Variants in TPI1 observed in about 807,000 individuals in gnomAD.
TPI1 encodes the protein triosephosphate isomerase.
Under a neutral mutation model 31.0 loss-of-function variants are expected in TPI1, and 11 were observed. That is an observed-to-expected ratio of 0.36 (90% CI 0.22 to 0.59). The LOEUF is 0.59. Among genes scored for constraint, TPI1 ranks in the 20% least tolerant of loss-of-function variants. The probability of loss-of-function intolerance (pLI) is 0.79; values close to 1 mark genes in which losing one functional copy is unlikely to be tolerated. For synonymous variants in TPI1, 121 were observed against 122.8 expected (o/e 0.99, Z 0.10); for missense variants, 245 against 319.7 (o/e 0.77, Z 1.78).
chr12:6,868,118 C>T (rs1555131758), intron 1 of TPI1: 1 of 1,272,482 alleles, frequency 7.9e-7, no homozygotes, highest in African/African-American at 1.5e-5. Context: ...CCCTTCCTCG[C>T]CGGCGTCCGC....
chr12:6,870,241 G>T, intron 6 of TPI1, 24 bp from the exon 7 acceptor site: 2 of 1,611,228 alleles, frequency 1.2e-6, no homozygotes, highest in Non-Finnish European at 1.7e-6. Context: ...TCTTGACCAA[G>T]CCCTTGTTCT....
chr12:6,867,825 G>A (rs1944491491), intron 1 of TPI1, 144 bp downstream of exon 1: 3 of 928,176 alleles, frequency 3.2e-6, no homozygotes, highest in Non-Finnish European at 4.6e-6. Flanking sequence ...GGCCGCTGGG[G>A]TCCGGGCAGG....
chr12:6,870,911 G>GAA lies in TPI1; in HGVS notation c.*540_*541dup, dbSNP rs201871949. ...GCTATATAAATGATCATTTGTGCAA[G>GAA]AAAAAAAAAAAAACAAGAACAGGTT... On this transcript the variant is annotated 3_prime_UTR_variant, in exon 7 of 7. Coordinates refer to ENST00000396705, the MANE Select transcript of TPI1 (RefSeq NM_000365.6). The GAA allele has an allele frequency of 2.5e-3, 1,362 of 538,928 alleles. No individual in the cohort carries two copies. Among genetic ancestry groups the GAA allele is most frequent in the African/African-American group, 8.7e-3 (433 of 49,516 alleles). 33.4% of individuals were successfully genotyped at this position (538,928 alleles called of 1,614,324 possible). A position where few individuals can be genotyped will look rare whatever the true frequency, so the allele number is the denominator to read the frequency against.
At position 6,870,740 on chromosome 12, in the gene TPI1, A is replaced by G. The variant is rs1555132963; in HGVS notation, c.*357A>G. ...ACCGTGAGGCCAAGATCCCCTCAGA[A>G]GGCAGGAGTGCTGCCCTCTCCCATG... On this transcript the variant is annotated 3_prime_UTR_variant, in exon 7 of 7. Transcript: ENST00000396705. 5.6e-6 allele frequency: 3 copies of G among 539,848 alleles called. No individual in the cohort carries two copies. Among genetic ancestry groups the G allele is most frequent in the Non-Finnish European group, 1.1e-5 (3 of 279,082 alleles). The allele number at this position is 539,848 out of a possible 1,614,324, so 33.4% of individuals were successfully genotyped here.
chr12:6,870,867 A>G lies in TPI1; in HGVS notation c.*484A>G, dbSNP rs913569628. Reference sequence around the variant, plus strand: ...CTGCCTTCACTGGACTTGCCCAGATAATCTTCCTTTTTGAGGCAGCTATAT... The same window carrying G: ...CTGCCTTCACTGGACTTGCCCAGATGATCTTCCTTTTTGAGGCAGCTATAT... On this transcript the variant is annotated 3_prime_UTR_variant, in exon 7 of 7. Transcript: ENST00000396705. The G allele has an allele frequency of 1.8e-6, 1 of 570,338 alleles. No individual in the cohort carries two copies. Among genetic ancestry groups the G allele is most frequent in the African/African-American group, 1.8e-5 (1 of 54,130 alleles). The allele number at this position is 570,338 out of a possible 1,614,324, so 35.3% of individuals were successfully genotyped here.
At chr12:6,869,660 T>TC in intron 4 of TPI1, 28 bp from the exon 5 acceptor site, 1 of 1,613,032 alleles carries the variant, frequency 6.2e-7, no homozygotes, top group Non-Finnish European at 8.5e-7. Context: ...TGTTCACCCT[T>TC]CCCTCCATCT....
chr12:6,868,219 G>A (rs781933652), intron 1 of TPI1: 56 of 1,287,748 alleles, frequency 4.3e-5, no homozygotes, highest in Non-Finnish European at 5.7e-5. Context: ...CCACGGAAGG[G>A]ACCGAGCCCG....
chr12:6,868,693 C>T lies in TPI1; in HGVS notation c.116-171C>T, dbSNP rs1322883424. 4 of 1,372,006 alleles carry T rather than the reference C, an allele frequency of 2.9e-6. No homozygotes were observed. In the African/African-American group the frequency reaches 5.8e-5, roughly 20 times the overall value. The allele number at this position is 1,372,006 out of a possible 1,614,324, so 85.0% of individuals were successfully genotyped here. ...AAGGCTCTTCGAGTTGAGTGCAGAC[C>T]CAGCCTGGGCTGGAAAATGGACAAA... On this transcript the variant is annotated intron_variant, in intron 1 of 6. Transcript: ENST00000396705.
Position 6,868,712 on chromosome 12 carries a change from G to T in TPI1, c.116-152G>T, listed in dbSNP as rs1308854772. ...GCAGACCCAGCCTGGGCTGGAAAAT[G>T]GACAAAGGTCATCTTGCTGGGGTGA... On this transcript the variant is annotated intron_variant, in intron 1 of 6. Transcript: ENST00000396705. 2.1e-6 allele frequency: 3 copies of T among 1,418,466 alleles called. No homozygotes were observed. The African/African-American group carries it at 4.3e-5, about 20-fold the overall frequency. The allele number at this position is 1,418,466 out of a possible 1,614,324, so 87.9% of individuals were successfully genotyped here.
In TPI1 at chr12:6,867,630, C is replaced by A; in HGVS notation, c.64C>A (p.Leu22Met). 1 of 1,612,738 alleles carries A rather than the reference C, an allele frequency of 6.2e-7. No individual in the cohort carries two copies. The highest frequency in any genetic ancestry group is 8.5e-7 in the Non-Finnish European group (1 of 1,179,656). The change falls in exon 1 of 7, where the codon CTG (leucine) becomes ATG (methionine). Residue 22 changes from leucine (L) to methionine (M), a missense_variant. Around this residue, in one of 3 missense-constraint regions of TPI1, gnomAD observed 95 missense variants for 96.4 expected, o/e 0.99. Coordinates refer to ENST00000396705, the MANE Select transcript of TPI1 (RefSeq NM_000365.6). ...GAAGATGAACGGGCGGAAGCAGAGT[C>A]TGGGGGAGCTCATCGGCACTCTGAA... ...NWKMNGRKQSLGELIGTLNAA... is the reference protein window; with the variant it reads ...NWKMNGRKQSMGELIGTLNAA...
chr12:6,870,855 A>C lies in TPI1; in HGVS notation c.*472A>C, dbSNP rs1418541736. The C allele has an allele frequency of 5.4e-6, 3 of 555,868 alleles. No homozygotes were observed. The African/African-American group carries it at 5.6e-5, about 10-fold the overall frequency. The allele number at this position is 555,868 out of a possible 1,614,324, so 34.4% of individuals were successfully genotyped here. Reference sequence around the variant, plus strand: ...CTTGTGGTTTGTCTGCCTTCACTGGACTTGCCCAGATAATCTTCCTTTTTG... The same window carrying C: ...CTTGTGGTTTGTCTGCCTTCACTGGCCTTGCCCAGATAATCTTCCTTTTTG... On this transcript the variant is annotated 3_prime_UTR_variant, in exon 7 of 7. Transcript: ENST00000396705.
intron 1 of TPI1, chr12:6,868,111 T>C (rs2071066): frequency 0.33 from 416,763 of 1,270,640 alleles, 75,011 homozygotes; most frequent in African/African-American, 0.72. Flanking sequence ...ACTCCTCCCC[T>C]TCCTCGCCGG....
chr12:6,869,809 C>T, intron 5 of TPI1, 36 bp downstream of exon 5: 1 of 1,609,574 alleles, frequency 6.2e-7, no homozygotes. Flanking sequence ...TCATCCCAGC[C>T]TGCCTCAATA....
At chr12:6,868,086 C>T (rs532280263) in intron 1 of TPI1, 2 of 1,237,482 alleles carry the variant, frequency 1.6e-6, no homozygotes, top group African/African-American at 1.6e-5. Context: ...CGTGCGCCGC[C>T]GCACGTAGCC....
intron 1 of TPI1, among the ~76,000 whole-genome samples, 199 bp downstream of exon 1, chr12:6,867,880 G>A (rs2138088641): frequency 6.6e-6 from 1 of 152,314 alleles, no homozygotes; most frequent in Non-Finnish European, 1.5e-5. Context: ...GGGGCAGGGC[G>A]GAGCACATGA....
intron 4 of TPI1, 74 bp downstream of exon 4, chr12:6,869,464 G>T: frequency 6.2e-7 from 1 of 1,605,174 alleles, no homozygotes. Context: ...AGGCCCTGGA[G>T]CCTGTCTTGG....
At chr12:6,868,064 G>A in intron 1 of TPI1, 1 of 1,227,594 alleles carries the variant, frequency 8.1e-7, no homozygotes, top group Non-Finnish European at 1.0e-6. Flanking sequence ...CCTGCGCCCT[G>A]GCCTCCCGCG....
chr12:6,869,546 C>G, intron 4 of TPI1, 142 bp from the exon 5 acceptor site: 2 of 1,472,162 alleles, frequency 1.4e-6, no homozygotes, highest in Non-Finnish European at 1.9e-6. Flanking sequence ...TATGACTTCT[C>G]CAGCCCCAAG....
chr12:6,870,265 GCT>G lies in TPI1; in HGVS notation c.635_636del (p.Ser212CysfsTer14). ...AGCCCTTGTTCTGCTCCCTTCCCAG[GCT>G]CTGTGACTGGGGCAACCTGCAAGGA... On this transcript the variant is annotated frameshift_variant and splice_region_variant, in exon 7 of 7. Coordinates refer to ENST00000396705, the MANE Select transcript of TPI1 (RefSeq NM_000365.6). LOFTEE classifies it high-confidence loss of function. The G allele has an allele frequency of 6.2e-7, 1 of 1,613,666 alleles. No homozygotes were observed. The highest frequency in any genetic ancestry group is 1.1e-5 in the South Asian group (1 of 91,076).
Sources: gnomAD v4.1 joint callset for allele counts (sites outside exome capture counted in the v4.1 genomes callset) on GRCh38, gnomAD v4.1.1 for gene constraint, gnomAD v4.1.1 regional missense constraint, MANE v1.5 for transcripts, NCBI Gene and HGNC (gene_info 2026-07-23, HGNC 2026-07-21) for gene names.